ITPR1: variants seen among roughly 807,000 people sequenced by gnomAD.
ITPR1 encodes the protein inositol 1,4,5-trisphosphate receptor type 1.
A neutral mutation model predicts 318.4 loss-of-function variants in ITPR1; 96 were observed. The observed-to-expected ratio is 0.30, with a 90% CI of 0.26 to 0.36. The LOEUF (loss-of-function observed/expected upper bound fraction) is 0.36. Among genes scored for constraint, ITPR1 ranks in the 10% least tolerant of loss-of-function variants. The pLI, the probability that ITPR1 is intolerant of heterozygous loss-of-function variation, is 1.00. For synonymous variants in ITPR1, 1,312 were observed against 1,289.9 expected (o/e 1.02, Z -0.37); for missense variants, 2,440 against 3,460.2 (o/e 0.71, Z 7.40).
chr3:4,748,891 G>A (rs1429469057), intron 44 of ITPR1, among the ~76,000 whole-genome samples: 1 of 152,218 alleles, frequency 6.6e-6, no homozygotes, highest in African/African-American at 2.4e-5. Flanking sequence ...GGGACGCGAA[G>A]TTGTATTGGT....
intron 58 of ITPR1, 200 bp downstream of exon 58, chr3:4,814,762 G>A (rs1356560983): frequency 1.6e-6 from 1 of 627,402 alleles, no homozygotes; most frequent in Non-Finnish European, 2.8e-6. Flanking sequence ...TGCGTGGAAA[G>A]GGTTGGCTTT....
chr3:4,545,430 C>G (rs1486700930), intron 4 of ITPR1, among the ~76,000 whole-genome samples: 5 of 151,950 alleles, frequency 3.3e-5, no homozygotes, highest in Non-Finnish European at 7.4e-5. Flanking sequence ...TGAGACCAGT[C>G]TGGGCAACAA....
chr3:4,827,745 T>G (rs2050171918), intron 60 of ITPR1, among the ~76,000 whole-genome samples: 1 of 152,126 alleles, frequency 6.6e-6, no homozygotes, highest in African/African-American at 2.4e-5. Context: ...GTGTGATCCT[T>G]AGGGTCTGAG....
intron 60 of ITPR1, among the ~76,000 whole-genome samples, chr3:4,824,610 C>A (rs1393047298): frequency 6.6e-6 from 1 of 152,092 alleles, no homozygotes; most frequent in Admixed American, 6.5e-5. Context: ...CCAGCCCCGA[C>A]CCCGAGTGAT....
intron 44 of ITPR1, among the ~76,000 whole-genome samples, chr3:4,765,887 C>G (rs1559857977): frequency 6.6e-6 from 1 of 152,206 alleles, no homozygotes. Context: ...CATTTAACCA[C>G]TCTTACCTGT....
At chr3:4,684,217 T>A (rs2094350816) in intron 28 of ITPR1, 64 bp from the exon 29 acceptor site, 1 of 1,050,950 alleles carries the variant, frequency 9.5e-7, no homozygotes, top group Admixed American at 1.9e-5. Context: ...CGATGCTAAC[T>A]GTAAAAAACT....
At position 4,769,620 on chromosome 3, in the gene ITPR1, G is replaced by A. The variant is rs144424921; in HGVS notation, c.5979+856G>A. On this transcript the variant is annotated intron_variant, in intron 46 of 61. Coordinates refer to ENST00000649015, the MANE Select transcript of ITPR1 (RefSeq NM_001378452.1). ...TGTCTGATAACAATGGGCAAGGTTT[G>A]TTAGGCACTTATGATATCCTGGATC... Among the ~76,000 whole-genome samples the A allele has an allele frequency of 5.9e-5, 9 of 152,308 alleles. No homozygotes were observed. The East Asian group carries it at 1.7e-3, about 29-fold the overall frequency.
At chr3:4,784,255 A>G (rs1254267968) in intron 51 of ITPR1, among the ~76,000 whole-genome samples, 4 of 152,172 alleles carry the variant, frequency 2.6e-5, no homozygotes, top group South Asian at 2.1e-4. Flanking sequence ...ATCTGAACCC[A>G]GACCGTAAAG....
chr3:4,800,566 T>C lies in ITPR1; in HGVS notation c.7073T>C (p.Leu2358Ser). 6.2e-7 allele frequency: 1 copy of C among 1,613,298 alleles called. No homozygotes were observed. Residue 2358 changes from leucine (L) to serine (S), a missense_variant, in exon 54 of 62, where the codon TTA becomes TCA. Physicochemically the swap from Leu to Ser is moderately radical, Grantham distance 145. Coordinates refer to ENST00000649015, the MANE Select transcript of ITPR1 (RefSeq NM_001378452.1). ...CTACGACTGATATTTTCAGTCGGGT[T>C]ACAACCCACGTTGTTTCTTCTGGGC... Reference protein sequence around the residue: ...TILRLIFSVGLQPTLFLLGAF... With the variant: ...TILRLIFSVGSQPTLFLLGAF...
intron 4 of ITPR1, among the ~76,000 whole-genome samples, chr3:4,531,189 A>G (rs1430655994): frequency 6.6e-6 from 1 of 152,178 alleles, no homozygotes; most frequent in Non-Finnish European, 1.5e-5. Context: ...GTGAATTCAC[A>G]GAGTTGGGCT....
intron 4 of ITPR1, among the ~76,000 whole-genome samples, chr3:4,621,423 C>T (rs1355557906): frequency 6.6e-6 from 1 of 152,182 alleles, no homozygotes; most frequent in East Asian, 1.9e-4. Context: ...TGGTTCTAAA[C>T]CATTCATGAG....
intron 60 of ITPR1, among the ~76,000 whole-genome samples, chr3:4,820,726 G>T (rs2049650874): frequency 6.6e-6 from 1 of 152,258 alleles, no homozygotes; most frequent in African/African-American, 2.4e-5. Context: ...TGCGCTAAGT[G>T]GTGGCTCAGA....
intron 4 of ITPR1, among the ~76,000 whole-genome samples, chr3:4,544,799 A>G (rs1436114863): frequency 6.6e-6 from 1 of 152,012 alleles, no homozygotes; most frequent in Non-Finnish European, 1.5e-5. Context: ...TGCAACAACA[A>G]CTTTTTATTT....
rs1420304134 is a variant in ITPR1, at chr3:4,676,812, G to C, written c.2967+11G>C. On this transcript the variant is annotated intron_variant, in intron 24 of 61. Transcript: ENST00000649015. Reference sequence around the variant, plus strand: ...ATTGAGATACTCCAGGTATCCACTAGCTGGAGCTGGGGTAGGGAGGGTATG... The same window carrying C: ...ATTGAGATACTCCAGGTATCCACTACCTGGAGCTGGGGTAGGGAGGGTATG... 1.9e-6 allele frequency: 3 copies of C among 1,597,852 alleles called. No homozygotes were observed. The highest frequency in any genetic ancestry group is 1.3e-5 in the African/African-American group (1 of 74,774).
chr3:4,621,300 A>G (rs912825208), intron 4 of ITPR1, among the ~76,000 whole-genome samples: 8 of 152,176 alleles, frequency 5.3e-5, no homozygotes, highest in Non-Finnish European at 8.8e-5. Context: ...AAGGGGGAAG[A>G]GGCACATCAC....
chr3:4,731,764 A>G (rs890437490), intron 42 of ITPR1, among the ~76,000 whole-genome samples: 11 of 152,088 alleles, frequency 7.2e-5, no homozygotes, highest in Non-Finnish European at 1.2e-4. Context: ...AGGGTGCCTC[A>G]CGTTTCCCAG....
chr3:4,559,309 C>T (rs184021396), intron 4 of ITPR1, among the ~76,000 whole-genome samples: 2 of 152,168 alleles, frequency 1.3e-5, no homozygotes, highest in Non-Finnish European at 2.9e-5. Context: ...CATTGACTTA[C>T]TGAATAATAT....
chr3:4,681,633 G>A (rs1191862772), intron 26 of ITPR1, among the ~76,000 whole-genome samples: 2 of 151,222 alleles, frequency 1.3e-5, no homozygotes, highest in African/African-American at 2.4e-5. Context: ...AAGTGTGTGT[G>A]TGTGTGTGTG....
chr3:4,697,964 C>T (rs1036446139), intron 34 of ITPR1, among the ~76,000 whole-genome samples: 15 of 152,162 alleles, frequency 9.9e-5, no homozygotes, highest in African/African-American at 3.6e-4. Context: ...TTGTCTCCTG[C>T]AATCTGAACT....
Sources: gnomAD v4.1 joint callset for allele counts (sites outside exome capture counted in the v4.1 genomes callset) on GRCh38, gnomAD v4.1.1 for gene constraint, MANE v1.5 for transcripts, NCBI Gene and HGNC (gene_info 2026-07-23, HGNC 2026-07-21) for gene names.